DLGAP2: variants seen among roughly 807,000 people sequenced by gnomAD.
DLGAP2 encodes the protein DLG associated protein 2.
In DLGAP2, 26 loss-of-function variants were observed where a neutral mutation model predicts 100.3. The observed-to-expected ratio is 0.26, with a 90% CI of 0.19 to 0.36. The LOEUF is 0.36. Among genes scored for constraint, DLGAP2 ranks in the 10% least tolerant of loss-of-function variants. The probability of loss-of-function intolerance (pLI) is 1.00; values close to 1 mark genes in which losing one functional copy is unlikely to be tolerated. For missense variants in DLGAP2, 1,858 were observed against 1,453.2 expected (o/e 1.28, Z -4.53); for synonymous variants, 886 against 630.1 (o/e 1.41, Z -6.08).
rs1291101262 is a variant in DLGAP2 at position 1,704,525 on chromosome 8, T to C, written c.*3119T>C. 4 of 152,242 alleles carry C rather than the reference T, an allele frequency of 2.6e-5. No homozygotes were observed. The highest frequency in any genetic ancestry group is 4.4e-5 in the Non-Finnish European group (3 of 68,040). The allele number at this position is 152,242 out of a possible 1,614,324, so 9.4% of individuals were successfully genotyped here. A position where few individuals can be genotyped will look rare whatever the true frequency, so the allele number is the denominator to read the frequency against. ...CTCGCATCTTCACGTGTTGTTGTGT[T>C]TGAAGTAAAACTAGTTGTTATCGAT... On this transcript the variant is annotated 3_prime_UTR_variant, in exon 15 of 15. Transcript: ENST00000637795.
chr8:1,097,422 AC>A (rs1435075067), intron 2 of DLGAP2, among the ~76,000 whole-genome samples: 2 of 40,878 alleles, frequency 4.9e-5, no homozygotes, highest in Non-Finnish European at 1.0e-4. Flanking sequence ...CATGGAGAGG[AC>A]CCCTCCAGCG....
At chr8:1,586,336 C>T (rs1029643810) in intron 6 of DLGAP2, among the ~76,000 whole-genome samples, 1 of 152,234 alleles carries the variant, frequency 6.6e-6, no homozygotes, top group Non-Finnish European at 1.5e-5. Context: ...TTCCAGAGGC[C>T]ACCCACAGGG....
chr8:1,674,828 A>C (rs773575537), intron 10 of DLGAP2, among the ~76,000 whole-genome samples: 6 of 152,236 alleles, frequency 3.9e-5, no homozygotes, highest in Non-Finnish European at 8.8e-5. Flanking sequence ...GGCTATACTC[A>C]TAAAATGGAA....
In DLGAP2 at chr8:1,489,899, T is replaced by C. The variant is rs1034641778; in HGVS notation, c.107-11467T>C. 3.6e-5 allele frequency among the ~76,000 whole-genome samples: 5 copies of C among 139,282 alleles called. 1 individual carries two copies. Among genetic ancestry groups the C allele is most frequent in the African/African-American group, 1.3e-4 (5 of 39,852 alleles). 91.4% of individuals were successfully genotyped at this position (139,282 alleles called of 152,430 possible). On this transcript the variant is annotated intron_variant, in intron 3 of 14. Coordinates refer to ENST00000637795, the MANE Select transcript of DLGAP2 (RefSeq NM_001346810.2). ...GCATTCCAAGATTAAGGCATATCAA[T>C]TTTTTTTTTTAAGATGGAGTCTCAC...
At chr8:1,244,452 G>A (rs1382043980) in intron 2 of DLGAP2, among the ~76,000 whole-genome samples, 1 of 152,232 alleles carries the variant, frequency 6.6e-6, no homozygotes, top group Non-Finnish European at 1.5e-5. Context: ...TTGTAAAAGA[G>A]GTGCCATAGA....
intron 1 of DLGAP2, 112 bp downstream of exon 1, chr8:737,937 G>T (rs1472552287): frequency 3.4e-5 from 12 of 352,078 alleles, no homozygotes; most frequent in Non-Finnish European, 6.1e-5. Context: ...CGTCAGGGTT[G>T]GGGGCGGGGG....
chr8:1,472,356 A>G (rs1284751266), intron 3 of DLGAP2, among the ~76,000 whole-genome samples: 2 of 152,208 alleles, frequency 1.3e-5, no homozygotes, highest in Non-Finnish European at 2.9e-5. Flanking sequence ...CCCTTCTGGT[A>G]AATCCCAAAG....
intron 10 of DLGAP2, among the ~76,000 whole-genome samples, chr8:1,670,941 G>T (rs1798675802): frequency 6.6e-6 from 1 of 152,250 alleles, no homozygotes; most frequent in African/African-American, 2.4e-5. Context: ...GCAGACGGCA[G>T]CCTTGCCAGG....
At chr8:1,675,099 G>C (rs908233453) in intron 10 of DLGAP2, among the ~76,000 whole-genome samples, 1 of 152,192 alleles carries the variant, frequency 6.6e-6, no homozygotes, top group African/African-American at 2.4e-5. Context: ...TCCCAGTCTA[G>C]GGTCAGCTTC....
chr8:1,245,204 T>C (rs752217885), intron 2 of DLGAP2, among the ~76,000 whole-genome samples: 4 of 152,174 alleles, frequency 2.6e-5, no homozygotes, highest in Admixed American at 6.5e-5. Context: ...AGTTTAAACA[T>C]AGAGTTACCA....
chr8:782,739 G>C (rs1252766411), intron 1 of DLGAP2, among the ~76,000 whole-genome samples: 2 of 152,058 alleles, frequency 1.3e-5, no homozygotes, highest in African/African-American at 4.8e-5. Flanking sequence ...TTTACAACTA[G>C]TTAATTCATG....
intron 2 of DLGAP2, among the ~76,000 whole-genome samples, chr8:1,079,779 G>A (rs1007694882): frequency 1.3e-5 from 2 of 152,230 alleles, no homozygotes; most frequent in African/African-American, 4.8e-5. Context: ...TCTGCAAGAT[G>A]AGCCCAGAGC....
chr8:981,644 G>A (rs964372939), intron 2 of DLGAP2, among the ~76,000 whole-genome samples: 3 of 152,084 alleles, frequency 2.0e-5, no homozygotes, highest in African/African-American at 7.2e-5. Context: ...ATCTCACTGT[G>A]TTTTATATTT....
chr8:1,306,194 C>T (rs1800486965), intron 3 of DLGAP2, among the ~76,000 whole-genome samples: 1 of 151,728 alleles, frequency 6.6e-6, no homozygotes, highest in African/African-American at 2.4e-5. Context: ...GAAGATTCCC[C>T]CCCACCCACA....
At chr8:897,720 C>A (rs1798171000) in intron 1 of DLGAP2, among the ~76,000 whole-genome samples, 1 of 152,116 alleles carries the variant, frequency 6.6e-6, no homozygotes, top group African/African-American at 2.4e-5. Flanking sequence ...CACAGGGCTG[C>A]ATCCTGAGTT....
chr8:1,508,823 G>A (rs1292982397), intron 4 of DLGAP2, among the ~76,000 whole-genome samples: 1 of 151,720 alleles, frequency 6.6e-6, no homozygotes, highest in South Asian at 2.1e-4. Flanking sequence ...CGGGGAAGAC[G>A]GGGCCAGGCT....
intron 2 of DLGAP2, among the ~76,000 whole-genome samples, chr8:1,240,386 C>T (rs145549326): frequency 6.6e-6 from 1 of 150,730 alleles, no homozygotes; most frequent in Non-Finnish European, 1.5e-5. Flanking sequence ...GTGTCTGGTT[C>T]TCTCACATGG....
chr8:826,985 A>G (rs141599706), intron 1 of DLGAP2, among the ~76,000 whole-genome samples: 431 of 152,230 alleles, frequency 2.8e-3, no homozygotes, highest in Admixed American at 4.4e-3. Context: ...CCCCATATCC[A>G]TGGAGATGTT....
rs1240841247 is a variant in DLGAP2, at chr8:1,701,705, C to G, written c.*299C>G. On this transcript the variant is annotated 3_prime_UTR_variant, in exon 15 of 15. Transcript: ENST00000637795. ...TCTCCTGCGTGTTCTCAGAGGACGG[C>G]GAGAAATGCCTCTGGAGCTGGAACC... 1 of 414,910 alleles carries G rather than the reference C, an allele frequency of 2.4e-6. No individual in the cohort carries two copies. The highest frequency in any genetic ancestry group is 4.2e-6 in the Non-Finnish European group (1 of 236,182). 25.7% of individuals were successfully genotyped at this position (414,910 alleles called of 1,614,324 possible).
Sources: gnomAD v4.1 joint callset for allele counts (sites outside exome capture counted in the v4.1 genomes callset) on GRCh38, gnomAD v4.1.1 for gene constraint, MANE v1.5 for transcripts, NCBI Gene and HGNC (gene_info 2026-07-23, HGNC 2026-07-21) for gene names.